The following U2SURP variants were observed in gnomAD, a reference collection of about 807,000 sequenced individuals.
U2SURP encodes the protein U2 snRNP associated SURP domain containing.
In U2SURP, 9 loss-of-function variants were observed where a neutral mutation model predicts 144.9. The ratio of observed to expected loss-of-function variants is 0.06; its 90% CI spans 0.04 to 0.11. The LOEUF (loss-of-function observed/expected upper bound fraction) is 0.11, where lower values mean the gene tolerates loss of function less well. Among genes scored for constraint, U2SURP ranks in the 10% least tolerant of loss-of-function variants. U2SURP has a pLI of 1.00. For synonymous variants in U2SURP, 408 were observed against 396.8 expected, an observed-to-expected ratio of 1.03 and a Z score of -0.33; for missense variants, 724 against 1,226.7, an observed-to-expected ratio of 0.59 and a Z score of 6.12.
intron 1 of U2SURP, among the ~76,000 whole-genome samples, chr3:143,009,846 T>C (rs1414655143): frequency 1.3e-5 from 2 of 152,222 alleles, no homozygotes; most frequent in East Asian, 1.9e-4. Context: ...TCTCTTAAAC[T>C]AATATTTTAT....
In U2SURP at chr3:143,001,614, G is replaced by GGGGCAAAGCTCAAGATGGC; in HGVS notation, c.-12_7dup. On this transcript the variant is annotated 5_prime_UTR_variant, in exon 1 of 28. It adds an upstream start codon to the 5' untranslated region. Transcript: ENST00000473835. ...CCGTGCTGCTGCCGCCGCCGAAGGA[G>GGGGCAAAGCTCAAGATGGC]GGGCAAAGCTCAAGATGGCGGACAA... 1 of 1,613,864 alleles carries GGGGCAAAGCTCAAGATGGC rather than the reference G, an allele frequency of 6.2e-7. No individual in the cohort carries two copies. Among genetic ancestry groups the GGGGCAAAGCTCAAGATGGC allele is most frequent in the Non-Finnish European group, 8.5e-7 (1 of 1,179,848 alleles).
rs1935331150 is a variant in U2SURP at position 143,060,609 on chromosome 3, G to GT, written c.*4165dup. The GT allele has an allele frequency of 6.6e-6, 1 of 151,872 alleles. No homozygotes were observed. Among genetic ancestry groups the GT allele is most frequent in the African/African-American group, 2.4e-5 (1 of 41,406 alleles). The allele number at this position is 151,872 out of a possible 1,614,324, so 9.4% of individuals were successfully genotyped here. A position where few individuals can be genotyped will look rare whatever the true frequency, so the allele number is the denominator to read the frequency against. On this transcript the variant is annotated 3_prime_UTR_variant, in exon 28 of 28. Coordinates refer to ENST00000473835, the MANE Select transcript of U2SURP (RefSeq NM_001080415.2). ...CCGATGCAAGCCCAGTTAATAATTA[G>GT]TTTTTTAGCAGCTTTCTCTCAAGTG...
intron 4 of U2SURP, 143 bp downstream of exon 4, chr3:143,014,552 A>G (rs1409001864): frequency 4.0e-6 from 2 of 501,094 alleles, no homozygotes; most frequent in Non-Finnish European, 7.2e-6. Context: ...CTGTAATACA[A>G]CATATATTCC....
chr3:143,033,765 A>G (rs1394816417), intron 18 of U2SURP, among the ~76,000 whole-genome samples: 2 of 152,132 alleles, frequency 1.3e-5, no homozygotes, highest in Non-Finnish European at 2.9e-5. Context: ...CAGTCCCCCC[A>G]TGGATACTGA....
intron 23 of U2SURP, among the ~76,000 whole-genome samples, chr3:143,041,672 A>C (rs1934111575): frequency 6.6e-6 from 1 of 152,014 alleles, no homozygotes; most frequent in Non-Finnish European, 1.5e-5. Flanking sequence ...GACTTTAATT[A>C]AATTTTATTT....
At chr3:143,046,019 T>C (rs1475767622) in intron 24 of U2SURP, among the ~76,000 whole-genome samples, 1 of 152,202 alleles carries the variant, frequency 6.6e-6, no homozygotes, top group Non-Finnish European at 1.5e-5. Flanking sequence ...AACCCTTTTA[T>C]TGGAGAACCA....
chr3:143,039,059 C>A, intron 23 of U2SURP, 99 bp downstream of exon 23: 1 of 884,700 alleles, frequency 1.1e-6, no homozygotes. Context: ...GAAAACTTCA[C>A]TCTTAAAAAA....
At chr3:143,054,016 A>G (rs1309075793) in intron 26 of U2SURP, among the ~76,000 whole-genome samples, 1 of 152,216 alleles carries the variant, frequency 6.6e-6, no homozygotes, top group Non-Finnish European at 1.5e-5. Context: ...TTTATATGGT[A>G]TCCTTAGCCT....
chr3:143,037,345 G>T lies in U2SURP; in HGVS notation c.2221+10G>T. ...CTTGATGGAGTGCCTTGTAAGTTCA[G>T]ATTTCAAACTGATTAAATCTAGCTA... On this transcript the variant is annotated intron_variant, in intron 21 of 27. Coordinates refer to ENST00000473835, the MANE Select transcript of U2SURP (RefSeq NM_001080415.2). 1 of 1,609,122 alleles carries T rather than the reference G, an allele frequency of 6.2e-7. No homozygotes were observed. Among genetic ancestry groups the T allele is most frequent in the South Asian group, 1.1e-5 (1 of 90,208 alleles).
At chr3:143,052,987 T>A (rs1934965083) in intron 25 of U2SURP, among the ~76,000 whole-genome samples, 1 of 150,066 alleles carries the variant, frequency 6.7e-6, no homozygotes, top group Non-Finnish European at 1.5e-5. Flanking sequence ...TAGAGTCATG[T>A]AGTCAGTTTG....
At chr3:143,028,736 A>C in intron 16 of U2SURP, 90 bp downstream of exon 16, 1 of 1,174,722 alleles carries the variant, frequency 8.5e-7, no homozygotes, top group Non-Finnish European at 1.2e-6. Flanking sequence ...TTAACCCTAA[A>C]ATAAATTTTT....
chr3:143,024,026 T>C lies in U2SURP; in HGVS notation c.1274+8T>C. 2.5e-6 allele frequency: 4 copies of C among 1,610,540 alleles called. No individual in the cohort carries two copies. Among genetic ancestry groups the C allele is most frequent in the Non-Finnish European group, 3.4e-6 (4 of 1,176,974 alleles). ...GGTTATCCCAACAGAAAGGTACATG[T>C]TTTTCTTTATTATTACTGATCTAAA... On this transcript the variant is annotated splice_region_variant and intron_variant, in intron 13 of 27. Coordinates refer to ENST00000473835, the MANE Select transcript of U2SURP (RefSeq NM_001080415.2).
At chr3:143,014,615 T>A (rs1936270741) in intron 4 of U2SURP, among the ~76,000 whole-genome samples, 1 of 152,048 alleles carries the variant, frequency 6.6e-6, no homozygotes, top group African/African-American at 2.4e-5. Flanking sequence ...TTTTCTTTGT[T>A]ATAGTTTTGG....
intron 6 of U2SURP, 101 bp from the exon 7 acceptor site, chr3:143,019,868 C>T: frequency 2.0e-6 from 1 of 502,974 alleles, no homozygotes; most frequent in South Asian, 6.4e-5. Flanking sequence ...ATAATTAGAA[C>T]ATACAATTTG....
chr3:143,027,192 C>T lies in U2SURP; in HGVS notation c.1318C>T (p.Arg440Cys). The part of the protein sequence containing the change: ...LIHRMIEFVV[R>C]EGPMFEAMIM... ...ACATCGAATGATAGAGTTTGTTGTA[C>T]GTGAAGGGCCAATGTTTGAAGCTAT... The change falls in exon 14 of 28, where the codon CGT becomes TGT. Residue 440 changes from arginine to cysteine, a missense_variant. Physicochemically the swap from Arg to Cys is radical, Grantham distance 180. Around this residue, in one of 13 missense-constraint regions of U2SURP, gnomAD observed 64 missense variants for 164.1 expected, o/e 0.39. Transcript: ENST00000473835. 1.2e-6 allele frequency: 2 copies of T among 1,612,752 alleles called. No individual in the cohort carries two copies. Among genetic ancestry groups the T allele is most frequent in the Non-Finnish European group, 1.7e-6 (2 of 1,179,138 alleles).
intron 20 of U2SURP, among the ~76,000 whole-genome samples, chr3:143,036,456 G>A (rs992317487): frequency 2.0e-5 from 3 of 152,104 alleles, no homozygotes; most frequent in Non-Finnish European, 2.9e-5. Context: ...TGCATGAAAA[G>A]ATGCATCACA....
At chr3:143,040,419 G>T (rs1280805280) in intron 23 of U2SURP, among the ~76,000 whole-genome samples, 1 of 151,844 alleles carries the variant, frequency 6.6e-6, no homozygotes, top group African/African-American at 2.4e-5. Flanking sequence ...TGTGCAGCTT[G>T]TGATCCTTGA....
At chr3:143,025,066 T>C (rs1367338193) in intron 13 of U2SURP, among the ~76,000 whole-genome samples, 1 of 152,190 alleles carries the variant, frequency 6.6e-6, no homozygotes, top group Admixed American at 6.5e-5. Flanking sequence ...TACAGTTCTT[T>C]AGTAATCTTG....
At chr3:143,029,855 C>T (rs1285148552) in intron 16 of U2SURP, among the ~76,000 whole-genome samples, 2 of 152,158 alleles carry the variant, frequency 1.3e-5, no homozygotes, top group African/African-American at 4.8e-5. Context: ...GCAAAATAGC[C>T]TTATTACTGA....
Sources: allele counts gnomAD v4.1 joint callset (sites outside exome capture counted in the v4.1 genomes callset), GRCh38; gene constraint gnomAD v4.1.1; regional missense constraint gnomAD v4.1.1; transcripts MANE v1.5; gene names NCBI Gene and HGNC (gene_info 2026-07-23, HGNC 2026-07-21).